LHFPL3: variants seen among roughly 807,000 people sequenced by gnomAD.
LHFPL3 encodes the protein LHFPL tetraspan subfamily member 3, also known as LHFPL tetraspan subfamily member 3 protein.
LHFPL3 carries 5 observed loss-of-function variants against 19.3 expected under a neutral mutation model. That is an observed-to-expected ratio of 0.26 (90% CI 0.14 to 0.54). The LOEUF (loss-of-function observed/expected upper bound fraction) is 0.54. Ranked by LOEUF, LHFPL3 falls within the 20% of genes least tolerant of loss-of-function variation. The pLI, the probability that LHFPL3 is intolerant of heterozygous loss-of-function variation, is 0.94. For missense variants in LHFPL3, 249 were observed against 307.4 expected (o/e 0.81, Z 1.42); for synonymous variants, 133 against 126.2 (o/e 1.05, Z -0.36).
chr7:104,753,110 T>A (rs6968156), intron 2 of LHFPL3, among the ~76,000 whole-genome samples: 89,859 of 152,102 alleles, frequency 0.59, 26,937 homozygotes, highest in East Asian at 0.89. Context: ...ACACTGCCCC[T>A]GGTGATTTAT....
intron 1 of LHFPL3, among the ~76,000 whole-genome samples, chr7:104,561,760 G>A (rs1790009250): frequency 6.6e-6 from 1 of 152,088 alleles, no homozygotes; most frequent in Non-Finnish European, 1.5e-5. Flanking sequence ...GTTAGTTGAT[G>A]CAGTTTCTTC....
chr7:104,698,130 C>T (rs902181811), intron 1 of LHFPL3, among the ~76,000 whole-genome samples: 6 of 152,152 alleles, frequency 3.9e-5, no homozygotes, highest in African/African-American at 1.4e-4. Context: ...GGAGCAGCTT[C>T]CCATGAAAGT....
At chr7:104,547,823 A>G (rs1794600482) in intron 1 of LHFPL3, among the ~76,000 whole-genome samples, 1 of 152,192 alleles carries the variant, frequency 6.6e-6, no homozygotes, top group African/African-American at 2.4e-5. Flanking sequence ...TATTTTGGCC[A>G]TTCCCACCTC....
At chr7:104,756,064 G>T (rs1794279818) in intron 2 of LHFPL3, among the ~76,000 whole-genome samples, 1 of 152,114 alleles carries the variant, frequency 6.6e-6, no homozygotes, top group Admixed American at 6.6e-5. Flanking sequence ...CAGGGGTTGG[G>T]ATGGGGAGTG....
chr7:104,603,821 T>G (rs1326556942), intron 1 of LHFPL3, among the ~76,000 whole-genome samples: 1 of 152,250 alleles, frequency 6.6e-6, no homozygotes, highest in Admixed American at 6.5e-5. Context: ...GTCCTTTGAC[T>G]CTATGCCCCA....
At chr7:104,366,236 A>C (rs996998847) in intron 1 of LHFPL3, among the ~76,000 whole-genome samples, 3 of 152,226 alleles carry the variant, frequency 2.0e-5, no homozygotes, top group Non-Finnish European at 4.4e-5. Context: ...GAGGCCCTAA[A>C]GATACTAAGA....
At chr7:104,596,366 CCTT>C (rs1790858343) in intron 1 of LHFPL3, among the ~76,000 whole-genome samples, 1 of 152,162 alleles carries the variant, frequency 6.6e-6, no homozygotes, top group Admixed American at 6.5e-5. Flanking sequence ...ATCATACAAG[CCTT>C]CTTTAGAGGC....
intron 2 of LHFPL3, among the ~76,000 whole-genome samples, chr7:104,856,653 G>T (rs749016480): frequency 6.6e-6 from 1 of 152,110 alleles, no homozygotes; most frequent in Non-Finnish European, 1.5e-5. Context: ...TAAATCTAAG[G>T]ATCCAAAAAT....
chr7:104,582,829 A>C (rs1790485619), intron 1 of LHFPL3, among the ~76,000 whole-genome samples: 1 of 151,842 alleles, frequency 6.6e-6, no homozygotes, highest in Non-Finnish European at 1.5e-5. Context: ...TATTATTTGA[A>C]TCAATTTGCT....
At chr7:104,747,886 C>CT (rs1340243262) in intron 2 of LHFPL3, among the ~76,000 whole-genome samples, 2 of 152,134 alleles carry the variant, frequency 1.3e-5, no homozygotes, top group Admixed American at 6.5e-5. Flanking sequence ...GCTCTGTAAT[C>CT]TTTTTTTCTT....
intron 1 of LHFPL3, among the ~76,000 whole-genome samples, chr7:104,554,801 A>G (rs554066333): frequency 1.1e-3 from 164 of 152,192 alleles, no homozygotes; most frequent in Non-Finnish European, 1.1e-3. Flanking sequence ...GGAAGACAAT[A>G]GTCCAAGTCC....
intron 1 of LHFPL3, among the ~76,000 whole-genome samples, chr7:104,512,058 G>T (rs530455757): frequency 6.7e-6 from 1 of 149,394 alleles, no homozygotes; most frequent in Non-Finnish European, 1.5e-5. Context: ...AGGTTCAAGC[G>T]ATTCTCATAC....
intron 1 of LHFPL3, among the ~76,000 whole-genome samples, chr7:104,431,035 TA>T: frequency 6.6e-6 from 1 of 152,190 alleles, no homozygotes; most frequent in African/African-American, 2.4e-5. Context: ...ATAAAATAAA[TA>T]AAAATGCTCA....
intron 2 of LHFPL3, among the ~76,000 whole-genome samples, chr7:104,775,992 G>C (rs7459029): frequency 0.58 from 88,910 of 152,008 alleles, 26,425 homozygotes; most frequent in East Asian, 0.79. Context: ...AAGGAAAGAA[G>C]CTAATTCCAA....
At chr7:104,889,000 A>C (rs1405623988) in intron 2 of LHFPL3, among the ~76,000 whole-genome samples, 1 of 152,194 alleles carries the variant, frequency 6.6e-6, no homozygotes, top group Admixed American at 6.5e-5. Flanking sequence ...AATCTGACCA[A>C]AGACAGAAAG....
intron 1 of LHFPL3, among the ~76,000 whole-genome samples, chr7:104,429,876 T>G (rs548504678): frequency 1.3e-5 from 2 of 151,678 alleles, no homozygotes; most frequent in Admixed American, 6.6e-5. Flanking sequence ...GAGAGTGATA[T>G]GTGGACATGT....
At chr7:104,426,058 G>C (rs1037634187) in intron 1 of LHFPL3, among the ~76,000 whole-genome samples, 7 of 152,176 alleles carry the variant, frequency 4.6e-5, no homozygotes, top group Non-Finnish European at 1.0e-4. Context: ...ACACACAGTA[G>C]TGTAAAATGT....
intron 1 of LHFPL3, among the ~76,000 whole-genome samples, chr7:104,549,798 A>G (rs1794635481): frequency 6.6e-6 from 1 of 152,198 alleles, no homozygotes; most frequent in African/African-American, 2.4e-5. Flanking sequence ...GATGAGGGAC[A>G]GAGCCCCTGT....
chr7:104,337,771 A>T (rs1371618727), intron 1 of LHFPL3, among the ~76,000 whole-genome samples: 1 of 152,216 alleles, frequency 6.6e-6, no homozygotes, highest in African/African-American at 2.4e-5. Context: ...TACAAACTAG[A>T]CTAATTGAAT....
Sources: gnomAD v4.1 joint callset for allele counts (sites outside exome capture counted in the v4.1 genomes callset) on GRCh38, gnomAD v4.1.1 for gene constraint, MANE v1.5 for transcripts, NCBI Gene and HGNC (gene_info 2026-07-23, HGNC 2026-07-21) for gene names.